The following LRRC27 variants were observed in gnomAD, a reference collection of about 807,000 sequenced individuals.
LRRC27 encodes leucine rich repeat containing 27.
A neutral mutation model predicts 55.0 loss-of-function variants in LRRC27; 57 were observed. The observed-to-expected ratio is 1.04, with a 90% confidence interval of 0.84 to 1.29. The LOEUF is 1.29. Among genes scored for constraint, LRRC27 ranks in the 50% most tolerant of loss-of-function variants. The pLI is 0.00. For synonymous variants in LRRC27, 278 were observed against 251.9 expected, an observed-to-expected ratio of 1.10 and a Z score of -0.98; for missense variants, 721 against 651.5, an observed-to-expected ratio of 1.11 and a Z score of -1.16.
In LRRC27 at chr10:132,380,597, TGCAG is replaced by T. The variant is rs2069398772; in HGVS notation, c.*5356_*5359del. On this transcript the variant is annotated 3_prime_UTR_variant, in exon 11 of 11. Transcript: ENST00000368614. ...TCCCTTGAGCCCAGGAGGTCGAGGC[TGCAG>T]TGAGCTGTGATTGCACCACTGCACT... Among the ~76,000 whole-genome samples, 1 of 152,194 alleles carries T rather than the reference TGCAG, an allele frequency of 6.6e-6. No homozygotes were observed. Among genetic ancestry groups the T allele is most frequent in the South Asian group, 2.1e-4 (1 of 4,832 alleles).
chr10:132,331,948 A>C (rs55737604), upstream of LRRC27: 156,230 of 470,312 alleles, frequency 0.33, 24,770 homozygotes, highest in East Asian at 0.42. Context: ...CCCCCGCCCC[A>C]GCGCAGGCGC....
chr10:132,380,441 G>A lies in LRRC27; in HGVS notation c.*5199G>A, dbSNP rs551627281. 4.6e-5 allele frequency among the ~76,000 whole-genome samples: 7 copies of A among 152,200 alleles called. No homozygotes were observed. The South Asian group carries it at 1.4e-3, about 31-fold the overall frequency. Reference sequence around the variant, plus strand: ...CAAGGATCCGCTTAAAACATCGTGTGGTGCTAATCTCTGCACGAGCGGTTC... The same window carrying A: ...CAAGGATCCGCTTAAAACATCGTGTAGTGCTAATCTCTGCACGAGCGGTTC... On this transcript the variant is annotated 3_prime_UTR_variant, in exon 11 of 11. Coordinates refer to ENST00000368614, the MANE Select transcript of LRRC27 (RefSeq NM_030626.3).
intron 10 of LRRC27, among the ~76,000 whole-genome samples, chr10:132,369,736 G>A (rs1429544674): frequency 6.6e-6 from 1 of 152,152 alleles, no homozygotes; most frequent in Non-Finnish European, 1.5e-5. Flanking sequence ...CCATGTGCAC[G>A]CATCGAGTGG....
intron 7 of LRRC27, among the ~76,000 whole-genome samples, 195 bp downstream of exon 7, chr10:132,351,948 G>A (rs376744727): frequency 6.6e-6 from 1 of 152,254 alleles, no homozygotes; most frequent in Non-Finnish European, 1.5e-5. Flanking sequence ...CGCCACGCAC[G>A]GGCTCGCTTG....
chr10:132,361,868 A>C (rs2497649), intron 9 of LRRC27, among the ~76,000 whole-genome samples: 2 of 151,482 alleles, frequency 1.3e-5, no homozygotes, highest in African/African-American at 4.9e-5. Flanking sequence ...TGTGGGCGCC[A>C]AGGGGAGACG....
intron 3 of LRRC27, among the ~76,000 whole-genome samples, chr10:132,340,292 ATATTAT>A (rs2067346436): frequency 6.6e-6 from 1 of 152,194 alleles, no homozygotes; most frequent in African/African-American, 2.4e-5. Flanking sequence ...TATTTTAATA[ATATTAT>A]TATATAAGGT....
In LRRC27 at chr10:132,380,763, C is replaced by A. The variant is rs2069401353; in HGVS notation, c.*5521C>A. On this transcript the variant is annotated 3_prime_UTR_variant, in exon 11 of 11. Transcript: ENST00000368614. The stretch of plus-strand genomic sequence containing the variant: ...GACCCATAGAGTGCCACCAGTCATG[C>A]CAAAGAGCTCCTGAGAAGCAGAGAA... Among the ~76,000 whole-genome samples the A allele has an allele frequency of 6.6e-6, 1 of 152,114 alleles. No homozygotes were observed. The highest frequency in any genetic ancestry group is 2.4e-5 in the African/African-American group (1 of 41,420).
intron 10 of LRRC27, among the ~76,000 whole-genome samples, chr10:132,365,760 G>A (rs1455704285): frequency 1.3e-5 from 2 of 152,092 alleles, no homozygotes; most frequent in Admixed American, 6.5e-5. Flanking sequence ...CACCATGCCC[G>A]GCTAATTTTT....
At position 132,380,933 on chromosome 10, in the gene LRRC27, C is replaced by G. The variant is rs1354399087; in HGVS notation, c.*5691C>G. ...AAATAAGGAAATTTGTGAGCAGGCA[C>G]AAAAGCCTTAACACTTTCTGTGAAA... On this transcript the variant is annotated 3_prime_UTR_variant, in exon 11 of 11. Transcript: ENST00000368614. 6.6e-6 allele frequency among the ~76,000 whole-genome samples: 1 copy of G among 152,234 alleles called. No homozygotes were observed. The highest frequency in any genetic ancestry group is 1.5e-5 in the Non-Finnish European group (1 of 68,046).
At chr10:132,362,015 C>T (rs1445743004) in intron 9 of LRRC27, among the ~76,000 whole-genome samples, 1 of 152,220 alleles carries the variant, frequency 6.6e-6, no homozygotes, top group African/African-American at 2.4e-5. Flanking sequence ...TAGACCTGAC[C>T]CTCAGGGCCG....
intron 9 of LRRC27, among the ~76,000 whole-genome samples, chr10:132,363,431 C>A (rs935160783): frequency 6.6e-6 from 1 of 152,190 alleles, no homozygotes; most frequent in African/African-American, 2.4e-5. Flanking sequence ...AAGGACCAGG[C>A]TGACACGGAG....
At chr10:132,333,411 C>A in intron 1 of LRRC27, 66 bp from the exon 2 acceptor site, 2 of 627,632 alleles carry the variant, frequency 3.2e-6, no homozygotes, top group South Asian at 3.3e-5. Context: ...AGATCTGCCA[C>A]ACAGCTATTC....
Position 132,374,917 on chromosome 10 carries a change from A to T in LRRC27, c.1417-149A>T. The T allele has an allele frequency of 1.3e-6, 1 of 785,554 alleles. No individual in the cohort carries two copies. Among genetic ancestry groups the T allele is most frequent in the Non-Finnish European group, 2.0e-6 (1 of 501,356 alleles). 48.7% of individuals were successfully genotyped at this position (785,554 alleles called of 1,614,324 possible). A position where few individuals can be genotyped will look rare whatever the true frequency, so the allele number is the denominator to read the frequency against. On this transcript the variant is annotated intron_variant, in intron 10 of 10. Coordinates refer to ENST00000368614, the MANE Select transcript of LRRC27 (RefSeq NM_030626.3). The surrounding 1 kb of genome is among the most constrained non-coding windows in gnomAD (Gnocchi z 4.4). ...CCATTGCAGGGGGGACCGCGCCGTG[A>T]TGCGGCTTGCAGGGGCCCCGGGGCA...
chr10:132,330,567 G>A (rs973762420), upstream of LRRC27: 69 of 711,950 alleles, frequency 9.7e-5, 1 homozygote, highest in South Asian at 8.2e-4. Flanking sequence ...ACATTAAGTG[G>A]CACAATCATA....
At position 132,374,305 on chromosome 10, in the gene LRRC27, C is replaced by T. The variant is rs968035368; in HGVS notation, c.1417-761C>T. ...GGAGGTAGTGTCCAACCTGTGCCCC[C>T]AGCAAGGCAAGCCGGGGAGGGAGAC... On this transcript the variant is annotated intron_variant, in intron 10 of 10. Transcript: ENST00000368614. This position sits in a 1 kb window ranked among gnomAD's most constrained non-coding sequence, Gnocchi z 4.4. Among the ~76,000 whole-genome samples the T allele has an allele frequency of 2.0e-5, 3 of 152,136 alleles. No homozygotes were observed. Among genetic ancestry groups the T allele is most frequent in the Non-Finnish European group, 2.9e-5 (2 of 68,012 alleles).
intron 3 of LRRC27, among the ~76,000 whole-genome samples, chr10:132,338,667 C>A (rs1367288001): frequency 6.6e-6 from 1 of 151,970 alleles, no homozygotes; most frequent in Non-Finnish European, 1.5e-5. Context: ...TTTTCACCTT[C>A]TGAAGCCATG....
intron 8 of LRRC27, 145 bp downstream of exon 8, chr10:132,356,031 G>A (rs1357833436): frequency 3.2e-6 from 2 of 627,908 alleles, no homozygotes; most frequent in South Asian, 1.7e-5. Flanking sequence ...TGGAGGATGA[G>A]CTGAGACTTG....
upstream of LRRC27, chr10:132,330,606 C>T (rs1324007690): frequency 5.8e-6 from 4 of 687,108 alleles, no homozygotes; most frequent in Non-Finnish European, 1.1e-5. Context: ...ATCCTAGGTT[C>T]AAGCGATCCT....
intron 4 of LRRC27, 38 bp from the exon 5 acceptor site, chr10:132,344,460 A>G (rs1388689445): frequency 6.3e-6 from 10 of 1,583,452 alleles, no homozygotes; most frequent in East Asian, 2.3e-5. Flanking sequence ...CAAGAATGGT[A>G]TATAGAATGC....
Sources: gnomAD v4.1 joint callset for allele counts (sites outside exome capture counted in the v4.1 genomes callset) on GRCh38, gnomAD v4.1.1 for gene constraint, Gnocchi (gnomAD v3.1) non-coding constraint, MANE v1.5 for transcripts, NCBI Gene and HGNC (gene_info 2026-07-23, HGNC 2026-07-21) for gene names.